Variants in TENM3 observed in about 807,000 individuals in gnomAD.
TENM3 encodes the protein teneurin-3.
In TENM3, 63 loss-of-function variants were observed where a neutral mutation model predicts 255.1. The observed-to-expected ratio is 0.25, with a 90% CI of 0.20 to 0.30. The LOEUF (loss-of-function observed/expected upper bound fraction) is 0.30, where lower values mean the gene tolerates loss of function less well. Ranked by LOEUF, TENM3 falls within the 10% of genes least tolerant of loss-of-function variation. The pLI, the probability that TENM3 is intolerant of heterozygous loss-of-function variation, is 1.00. For synonymous variants in TENM3, 1,306 were observed against 1,322.3 expected, an observed-to-expected ratio of 0.99 and a Z score of 0.27; for missense variants, 2,929 against 3,461.1, an observed-to-expected ratio of 0.85 and a Z score of 3.86.
the TENM3 span, among the ~76,000 whole-genome samples, chr4:181,719,098 C>T: frequency 1.3e-5 from 2 of 151,084 alleles, no homozygotes; most frequent in East Asian, 3.9e-4. Flanking sequence ...CCCAGCTACT[C>T]GGGAGGCTGA....
At chr4:182,024,802 C>T in the TENM3 span, among the ~76,000 whole-genome samples, 3 of 151,822 alleles carry the variant, frequency 2.0e-5, no homozygotes, top group African/African-American at 4.8e-5. Context: ...ATTTTTTTGC[C>T]ATTAACCATC....
the TENM3 span, among the ~76,000 whole-genome samples, chr4:181,912,484 A>G: frequency 6.6e-6 from 1 of 152,148 alleles, no homozygotes; most frequent in Admixed American, 6.6e-5. Context: ...GCAACATGAG[A>G]GTTTTTAAGA....
At chr4:182,349,079 T>G (rs1190359173) in intron 3 of TENM3, among the ~76,000 whole-genome samples, 1 of 152,166 alleles carries the variant, frequency 6.6e-6, no homozygotes, top group African/African-American at 2.4e-5. Flanking sequence ...GCCTTGAAAT[T>G]CAGAACATTT....
At chr4:182,352,714 A>G (rs1398203271) in intron 3 of TENM3, among the ~76,000 whole-genome samples, 2 of 152,168 alleles carry the variant, frequency 1.3e-5, no homozygotes, top group Non-Finnish European at 2.9e-5. Flanking sequence ...ATGGTATTTT[A>G]AGTCTACTTT....
the TENM3 span, among the ~76,000 whole-genome samples, chr4:182,035,038 T>G: frequency 6.6e-6 from 1 of 152,188 alleles, no homozygotes; most frequent in Admixed American, 6.5e-5. Flanking sequence ...TTAGGTTCAG[T>G]CTTTTACATA....
At chr4:182,392,198 A>G (rs1361835242) in intron 3 of TENM3, among the ~76,000 whole-genome samples, 1 of 152,188 alleles carries the variant, frequency 6.6e-6, no homozygotes, top group Non-Finnish European at 1.5e-5. Flanking sequence ...TCTTCCTCTA[A>G]GCGGCTCTCC....
the TENM3 span, among the ~76,000 whole-genome samples, chr4:181,742,295 A>G: frequency 6.6e-6 from 1 of 152,150 alleles, no homozygotes. Flanking sequence ...GAAAAAAAAT[A>G]CAGAAATTTA....
chr4:181,834,517 A>T, the TENM3 span, among the ~76,000 whole-genome samples: 3 of 152,352 alleles, frequency 2.0e-5, no homozygotes, highest in East Asian at 5.8e-4. Context: ...CAACTGGCAT[A>T]CGAGCAGCCT....
At chr4:182,433,357 A>T (rs1023239888) in intron 3 of TENM3, among the ~76,000 whole-genome samples, 11 of 152,168 alleles carry the variant, frequency 7.2e-5, no homozygotes, top group Non-Finnish European at 1.3e-4. Flanking sequence ...TGCTTGTGGG[A>T]CATCCTACAG....
intron 13 of TENM3, among the ~76,000 whole-genome samples, chr4:182,720,303 A>T (rs996631297): frequency 1.3e-5 from 2 of 152,150 alleles, no homozygotes; most frequent in African/African-American, 2.4e-5. Flanking sequence ...AAACAGATTT[A>T]AAAATAAAAA....
chr4:182,417,942 A>G (rs1380931116), intron 3 of TENM3, among the ~76,000 whole-genome samples: 1 of 152,154 alleles, frequency 6.6e-6, no homozygotes, highest in Admixed American at 6.5e-5. Flanking sequence ...TCAAAAGTTG[A>G]ATTTATGTCT....
the TENM3 span, among the ~76,000 whole-genome samples, chr4:181,666,300 T>A: frequency 6.6e-6 from 1 of 152,296 alleles, no homozygotes; most frequent in South Asian, 2.1e-4. Flanking sequence ...ACATATGCAG[T>A]AAAAAAATTT....
At chr4:181,939,706 G>T in the TENM3 span, among the ~76,000 whole-genome samples, 1 of 152,220 alleles carries the variant, frequency 6.6e-6, no homozygotes, top group Admixed American at 6.5e-5. Context: ...AGGGGTTGGG[G>T]TGCGGGGCGC....
chr4:182,732,004 A>AT (rs1760793942), intron 16 of TENM3, among the ~76,000 whole-genome samples: 1 of 151,918 alleles, frequency 6.6e-6, no homozygotes, highest in African/African-American at 2.4e-5. Flanking sequence ...GATGGTCTCC[A>AT]TCTCCTGACC....
the TENM3 span, among the ~76,000 whole-genome samples, chr4:181,866,911 C>T: frequency 6.6e-6 from 1 of 152,102 alleles, no homozygotes; most frequent in African/African-American, 2.4e-5. Context: ...TACTGTCCCT[C>T]GGCGATCTCA....
the TENM3 span, among the ~76,000 whole-genome samples, chr4:181,663,841 C>T: frequency 2.0e-5 from 3 of 152,170 alleles, no homozygotes; most frequent in African/African-American, 4.8e-5. Flanking sequence ...CCTTGCCATG[C>T]TTTTTGAGTT....
the TENM3 span, among the ~76,000 whole-genome samples, chr4:181,663,189 C>A: frequency 2.6e-5 from 4 of 152,124 alleles, no homozygotes; most frequent in African/African-American, 7.2e-5. Context: ...TAGACATTTT[C>A]TGTGGTTTTG....
the TENM3 span, among the ~76,000 whole-genome samples, chr4:181,459,511 G>T: frequency 1.3e-5 from 2 of 151,518 alleles, no homozygotes; most frequent in African/African-American, 4.8e-5. Context: ...TTCATTTCAG[G>T]TTACTTTTTG....
chr4:182,357,942 C>A lies in TENM3; in HGVS notation c.511+11013C>A, dbSNP rs1184798249. ...GTTTCAGCTTTCTACATATGGCTAG[C>A]CAGTTTTCCCAGCACCATTTATTAA... On this transcript the variant is annotated intron_variant, in intron 3 of 27. Transcript: ENST00000511685. Among the ~76,000 whole-genome samples the A allele has an allele frequency of 5.5e-3, 826 of 150,912 alleles. 8 individuals are homozygous for A. Among genetic ancestry groups the A allele is most frequent in the African/African-American group, 0.019 (790 of 41,266 alleles).
Sources: gnomAD v4.1 joint callset for allele counts (sites outside exome capture counted in the v4.1 genomes callset) on GRCh38, gnomAD v4.1.1 for gene constraint, MANE v1.5 for transcripts, NCBI Gene and HGNC (gene_info 2026-07-23, HGNC 2026-07-21) for gene names.